Variants in FRMPD4 observed in about 807,000 individuals in gnomAD.
FRMPD4 encodes the protein FERM and PDZ domain-containing protein 4.
In FRMPD4, 22 loss-of-function variants were observed where a neutral mutation model predicts 94.1. That is an observed-to-expected ratio of 0.23 (90% CI 0.17 to 0.33). The LOEUF is 0.33. FRMPD4 is among the 10% of genes least tolerant of loss of function. FRMPD4 has a pLI of 1.00. For missense variants in FRMPD4, 1,111 were observed against 1,339.9 expected (o/e 0.83, Z 2.67); for synonymous variants, 631 against 548.6 (o/e 1.15, Z -2.10).
chrX:12,568,085 G>T (rs1284585337), intron 2 of FRMPD4, among the ~76,000 whole-genome samples: 2 of 111,301 alleles, frequency 1.8e-5, no homozygotes, highest in Non-Finnish European at 3.8e-5. Flanking sequence ...AAAAAAATCA[G>T]CCTTGAATGG....
intron 2 of FRMPD4, among the ~76,000 whole-genome samples, chrX:12,600,260 C>T (rs922449514): frequency 9.1e-6 from 1 of 110,237 alleles, no homozygotes; most frequent in African/African-American, 3.3e-5. Context: ...TGTTGACATT[C>T]GTCTGGAAAG....
intron 3 of FRMPD4, among the ~76,000 whole-genome samples, chrX:12,039,462 C>T (rs1345691402): frequency 9.0e-6 from 1 of 110,741 alleles, no homozygotes; most frequent in African/African-American, 3.3e-5. Flanking sequence ...TAATTCAGCT[C>T]AAATACTTTC....
At chrX:12,070,284 G>A (rs1190122263) in intron 3 of FRMPD4, among the ~76,000 whole-genome samples, 1 of 110,402 alleles carries the variant, frequency 9.1e-6, no homozygotes, top group Non-Finnish European at 1.9e-5. Flanking sequence ...GGATATATAT[G>A]TTTTAATAGA....
intron 3 of FRMPD4, among the ~76,000 whole-genome samples, chrX:11,964,966 T>G (rs950566541): frequency 8.9e-6 from 1 of 112,843 alleles, no homozygotes; most frequent in Admixed American, 9.3e-5. Context: ...TCAAAGCCAG[T>G]GATAGCGGGC....
In FRMPD4 at chrX:12,020,327, C is replaced by T. The variant is rs775467780; in HGVS notation, c.95+142309C>T. On this transcript the variant is annotated intron_variant, in intron 3 of 18. Coordinates refer to the FRMPD4 transcript ENST00000640291. ...TGGATTAACCCTGCAATCTTAATGG[C>T]TTAACACAGTGAAGTTTATTTCTTG... 9.8e-5 allele frequency among the ~76,000 whole-genome samples: 11 copies of T among 112,415 alleles called. No homozygotes were observed. In the East Asian group the frequency reaches 2.5e-3, roughly 26 times the overall value.
chrX:11,969,088 C>T (rs377097034), intron 3 of FRMPD4, among the ~76,000 whole-genome samples: 8 of 112,416 alleles, frequency 7.1e-5, no homozygotes, highest in Admixed American at 3.8e-4. Flanking sequence ...TGATTGGGTA[C>T]GAGGGTAGTA....
At chrX:12,532,126 G>A (rs1385347588) in intron 2 of FRMPD4, among the ~76,000 whole-genome samples, 2 of 111,950 alleles carry the variant, frequency 1.8e-5, no homozygotes, top group Non-Finnish European at 3.8e-5. Flanking sequence ...GGTCACTGGG[G>A]AATGATGTTT....
chrX:12,565,465 A>C (rs1358672636), intron 2 of FRMPD4, among the ~76,000 whole-genome samples: 1 of 112,534 alleles, frequency 8.9e-6, no homozygotes, highest in Non-Finnish European at 1.9e-5. Context: ...CAAGAAGGGC[A>C]CATCACCTCT....
intron 7 of FRMPD4, among the ~76,000 whole-genome samples, chrX:12,688,180 A>G (rs758293907): frequency 2.7e-5 from 3 of 112,224 alleles, no homozygotes; most frequent in Non-Finnish European, 5.6e-5. Context: ...GAAATAACCT[A>G]CAGAGCTACA....
At chrX:11,953,923 C>G (rs955502913) in intron 3 of FRMPD4, among the ~76,000 whole-genome samples, 1 of 112,146 alleles carries the variant, frequency 8.9e-6, no homozygotes, top group Non-Finnish European at 1.9e-5. Flanking sequence ...ATTCACAAGT[C>G]TTCTTAAAGT....
intron 3 of FRMPD4, among the ~76,000 whole-genome samples, chrX:11,905,177 C>A (rs2053960771): frequency 8.9e-6 from 1 of 112,122 alleles, no homozygotes; most frequent in Non-Finnish European, 1.9e-5. Context: ...GGGGGAACAT[C>A]CAGGAAATAC....
chrX:12,440,118 A>C (rs1036446289), intron 1 of FRMPD4, among the ~76,000 whole-genome samples: 9 of 111,850 alleles, frequency 8.0e-5, no homozygotes, highest in African/African-American at 2.9e-4. Flanking sequence ...TATCAAATTT[A>C]GAAAATAAAA....
intron 1 of FRMPD4, among the ~76,000 whole-genome samples, chrX:11,822,990 G>A (rs893991620): frequency 9.0e-5 from 10 of 111,226 alleles, no homozygotes; most frequent in Non-Finnish European, 1.7e-4. Flanking sequence ...GCTACGTCCC[G>A]ACTATTTCCA....
chrX:11,839,296 G>A (rs1295285621), intron 1 of FRMPD4, among the ~76,000 whole-genome samples: 1 of 111,807 alleles, frequency 8.9e-6, no homozygotes, highest in East Asian at 2.8e-4. Context: ...AGCCATTCTA[G>A]TGTGTGTGTC....
intron 1 of FRMPD4, among the ~76,000 whole-genome samples, chrX:12,330,629 G>A (rs932637288): frequency 2.7e-5 from 3 of 111,435 alleles, no homozygotes; most frequent in Admixed American, 9.5e-5. Context: ...CCTAGTGGTC[G>A]GTGGACTGCT....
chrX:12,588,630 T>C (rs2058954673), intron 2 of FRMPD4, among the ~76,000 whole-genome samples: 3 of 112,482 alleles, frequency 2.7e-5, no homozygotes, highest in Admixed American at 1.9e-4. Context: ...TTCAATTTGC[T>C]TTCTTTTCCA....
chrX:12,240,621 A>G (rs1226665753), intron 1 of FRMPD4, among the ~76,000 whole-genome samples: 1 of 112,343 alleles, frequency 8.9e-6, no homozygotes, highest in Non-Finnish European at 1.9e-5. Context: ...CTTAATGTGC[A>G]TAGTCACAAA....
chrX:11,884,625 A>AAT (rs773931185), intron 3 of FRMPD4, among the ~76,000 whole-genome samples: 9 of 111,217 alleles, frequency 8.1e-5, no homozygotes, highest in African/African-American at 9.8e-5. Flanking sequence ...ACATAATATG[A>AAT]ATATATATAT....
intron 1 of FRMPD4, among the ~76,000 whole-genome samples, chrX:12,221,545 G>A (rs1259459225): frequency 1.8e-5 from 2 of 112,288 alleles, no homozygotes; most frequent in African/African-American, 6.5e-5. Context: ...ACAGAGGAAG[G>A]ATGGTTAGAG....
Sources: allele counts gnomAD v4.1 joint callset (sites outside exome capture counted in the v4.1 genomes callset), GRCh38; gene constraint gnomAD v4.1.1; transcripts MANE v1.5; gene names NCBI Gene and HGNC (gene_info 2026-07-23, HGNC 2026-07-21).